DCUN1D4: variants seen among roughly 807,000 people sequenced by gnomAD.
DCUN1D4 encodes the protein DCN1-like protein 4.
In DCUN1D4, 22 loss-of-function variants were observed where a neutral mutation model predicts 47.9. The observed-to-expected ratio is 0.46, with a 90% confidence interval of 0.33 to 0.66. The LOEUF (loss-of-function observed/expected upper bound fraction) is 0.66, where lower values mean the gene tolerates loss of function less well. Among genes scored for constraint, DCUN1D4 ranks in the 30% least tolerant of loss-of-function variants. DCUN1D4 has a pLI of 0.02. For missense variants in DCUN1D4, 301 were observed against 340.8 expected, an observed-to-expected ratio of 0.88 and a Z score of 0.92; for synonymous variants, 121 against 112.2, an observed-to-expected ratio of 1.08 and a Z score of -0.50.
At chr4:51,868,301 T>C (rs1726297510) in intron 3 of DCUN1D4, among the ~76,000 whole-genome samples, 1 of 152,188 alleles carries the variant, frequency 6.6e-6, no homozygotes, top group Non-Finnish European at 1.5e-5. Flanking sequence ...CTCCTGCCTG[T>C]TCCAAGCTCC....
At chr4:51,857,474 A>G (rs1724314554) in intron 1 of DCUN1D4, among the ~76,000 whole-genome samples, 1 of 152,124 alleles carries the variant, frequency 6.6e-6, no homozygotes, top group African/African-American at 2.4e-5. Context: ...CAAGACTCTC[A>G]AAGGAGTGCT....
the DCUN1D4 span, among the ~76,000 whole-genome samples, chr4:51,835,377 C>T: frequency 6.6e-6 from 1 of 152,200 alleles, no homozygotes; most frequent in African/African-American, 2.4e-5. Context: ...AACATGAGTA[C>T]TTGAGACAGT....
chr4:51,851,700 G>A (rs1344333158), intron 1 of DCUN1D4, among the ~76,000 whole-genome samples: 1 of 152,086 alleles, frequency 6.6e-6, no homozygotes, highest in Non-Finnish European at 1.5e-5. Flanking sequence ...GAATGGGGAG[G>A]GACTAACACG....
In DCUN1D4 at chr4:51,913,713, G is replaced by A; in HGVS notation, c.*129G>A. 1 of 843,542 alleles carries A rather than the reference G, an allele frequency of 1.2e-6. No individual in the cohort carries two copies. Among genetic ancestry groups the A allele is most frequent in the Non-Finnish European group, 1.9e-6 (1 of 526,434 alleles). 52.3% of individuals were successfully genotyped at this position (843,542 alleles called of 1,614,324 possible). A position where few individuals can be genotyped will look rare whatever the true frequency, so the allele number is the denominator to read the frequency against. ...GTTTCCCTTTCGCAGGGACATGTTG[G>A]TGTTTGCTATTGAATTGGCCAGCTC... On this transcript the variant is annotated 3_prime_UTR_variant, in exon 11 of 11. Transcript: ENST00000334635.
At chr4:51,906,714 C>T (rs530911401) in intron 8 of DCUN1D4, among the ~76,000 whole-genome samples, 1 of 152,296 alleles carries the variant, frequency 6.6e-6, no homozygotes, top group East Asian at 1.9e-4. Context: ...TAGTTTTATC[C>T]TTAAGATTCC....
intron 1 of DCUN1D4, chr4:51,844,803 G>A: frequency 1.0e-6 from 1 of 983,268 alleles, no homozygotes; most frequent in Non-Finnish European, 1.2e-6. Flanking sequence ...GGCCGCGCCC[G>A]GCCGCGGTTG....
At chr4:51,844,290 C>G (rs1440179402) in intron 1 of DCUN1D4, 19 of 964,790 alleles carry the variant, frequency 2.0e-5, no homozygotes, top group Non-Finnish European at 1.9e-5. Context: ...GGGGGGAGTC[C>G]AAGCTTCGGG....
chr4:51,851,602 C>T (rs1301781000), intron 1 of DCUN1D4, among the ~76,000 whole-genome samples: 1 of 151,598 alleles, frequency 6.6e-6, no homozygotes, highest in Admixed American at 6.6e-5. Context: ...TCAAAAGAGG[C>T]ACCAGGGAGA....
chr4:51,878,199 T>TA (rs1353058130), intron 5 of DCUN1D4, among the ~76,000 whole-genome samples: 3 of 151,930 alleles, frequency 2.0e-5, no homozygotes, highest in African/African-American at 7.2e-5. Flanking sequence ...TTTGAACCCT[T>TA]ACTTAGTGCA....
At position 51,895,005 on chromosome 4, in the gene DCUN1D4, C is replaced by G. The variant is rs138513781; in HGVS notation, c.506+3154C>G. On this transcript the variant is annotated intron_variant, in intron 7 of 10. Coordinates refer to ENST00000334635, the MANE Select transcript of DCUN1D4 (RefSeq NM_001040402.3). ...ATGGTGCCTTCTAACTGGGTCCTCC[C>G]ATGTTGGAAGGGGCAAACAAGCGCC... Among the ~76,000 whole-genome samples the G allele has an allele frequency of 6.1e-4, 93 of 152,164 alleles. No homozygotes were observed. The East Asian group carries it at 0.017, about 28-fold the overall frequency.
chr4:51,909,809 C>T (rs1234141254), intron 8 of DCUN1D4, among the ~76,000 whole-genome samples: 1 of 152,168 alleles, frequency 6.6e-6, no homozygotes, highest in Non-Finnish European at 1.5e-5. Context: ...ACAACTGAGA[C>T]CAAAAGGCCA....
At chr4:51,843,323 A>C (rs1721889525) in intron 1 of DCUN1D4, 56 bp downstream of exon 1, 1 of 1,489,184 alleles carries the variant, frequency 6.7e-7, no homozygotes, top group Non-Finnish European at 8.9e-7. Flanking sequence ...CAAACTCGCC[A>C]CTCGGCTCCC....
At chr4:51,907,479 T>G (rs1197597366) in intron 8 of DCUN1D4, among the ~76,000 whole-genome samples, 2 of 152,236 alleles carry the variant, frequency 1.3e-5, no homozygotes, top group Non-Finnish European at 2.9e-5. Context: ...GTTTTTCCTG[T>G]GGCCTCAATT....
chr4:51,909,944 G>A (rs1412050262), intron 8 of DCUN1D4, among the ~76,000 whole-genome samples: 1 of 152,156 alleles, frequency 6.6e-6, no homozygotes. Context: ...GCTAGAAATG[G>A]TTTGTATACT....
intron 5 of DCUN1D4, among the ~76,000 whole-genome samples, chr4:51,881,910 G>C (rs183823465): frequency 6.6e-6 from 1 of 152,280 alleles, no homozygotes; most frequent in Admixed American, 6.5e-5. Context: ...GGTCACGCCT[G>C]TAATTCCAAC....
At chr4:51,853,456 C>T (rs1030938925) in intron 1 of DCUN1D4, among the ~76,000 whole-genome samples, 1 of 152,204 alleles carries the variant, frequency 6.6e-6, no homozygotes, top group Non-Finnish European at 1.5e-5. Context: ...GCTCTGCAAT[C>T]TTTTTCCTGG....
intron 5 of DCUN1D4, among the ~76,000 whole-genome samples, chr4:51,883,388 G>C (rs528764087): frequency 1.3e-5 from 2 of 152,078 alleles, no homozygotes; most frequent in Admixed American, 6.5e-5. Context: ...TAAATATTTT[G>C]TCATGTGAAT....
chr4:51,882,414 G>A (rs1413708731), intron 5 of DCUN1D4, among the ~76,000 whole-genome samples: 1 of 152,136 alleles, frequency 6.6e-6, no homozygotes, highest in East Asian at 1.9e-4. Context: ...GAGGAAGCCG[G>A]GGAACACCCA....
intron 3 of DCUN1D4, among the ~76,000 whole-genome samples, chr4:51,873,821 A>G (rs780953026): frequency 7.9e-5 from 12 of 152,176 alleles, no homozygotes; most frequent in Non-Finnish European, 1.2e-4. Context: ...TTTTTAAATC[A>G]GATATCTCTT....
Sources: gnomAD v4.1 joint callset for allele counts (sites outside exome capture counted in the v4.1 genomes callset) on GRCh38, gnomAD v4.1.1 for gene constraint, MANE v1.5 for transcripts, NCBI Gene and HGNC (gene_info 2026-07-23, HGNC 2026-07-21) for gene names.